MUC4: variants seen among roughly 807,000 people sequenced by gnomAD.
MUC4 encodes the protein mucin-4.
Under a neutral mutation model 257.9 loss-of-function variants are expected in MUC4, and 202 were observed. That is an observed-to-expected ratio of 0.78 (90% CI 0.70 to 0.88). The LOEUF (loss-of-function observed/expected upper bound fraction) is 0.88, where lower values mean the gene tolerates loss of function less well. Ranked by LOEUF, MUC4 falls within the 40% of genes least tolerant of loss-of-function variation. The pLI is 0.00. For synonymous variants in MUC4, 2,351 were observed against 2,757.1 expected (o/e 0.85, Z 4.62); for missense variants, 5,976 against 6,513.7 (o/e 0.92, Z 2.84).
rs1387824017 is a variant in MUC4, at chr3:195,760,851, T to C, written c.14848+33A>G. The C allele has an allele frequency of 1.9e-6, 3 of 1,594,054 alleles. No individual in the cohort carries two copies. The South Asian group carries it at 3.3e-5, about 18-fold the overall frequency. Reference sequence around the variant, plus strand: ...GCAGCTCCTCATCTGCTCCCGACTCTGAAAAGGCCTCCCCAGGCCTCGGGC... The same window carrying C: ...GCAGCTCCTCATCTGCTCCCGACTCCGAAAAGGCCTCCCCAGGCCTCGGGC... On this transcript the variant is annotated intron_variant, in intron 16 of 24. Transcript: ENST00000463781.
intron 1 of MUC4, among the ~76,000 whole-genome samples, chr3:195,793,917 T>A (rs746046102): frequency 6.6e-6 from 1 of 152,120 alleles, no homozygotes; most frequent in Non-Finnish European, 1.5e-5. Context: ...GCTAATATTA[T>A]TGACCATAAC....
Position 195,778,357 on chromosome 3 carries a change from T to C in MUC4, c.12889A>G (p.Thr4297Ala), listed in dbSNP as rs1287984871. ...SQTIISTIPS[T>A]AMHTRSTAAP... ...GCTGTGGAGCGGGTGTGCATGGCAG[T>C]GCTGGGAATGGTGGAAATGATGGTC... Residue 4297 changes from threonine (T) to alanine (A), a missense_variant, in exon 3 of 25, where the codon ACT becomes GCT. Physicochemically the swap from Thr to Ala is moderately conservative, Grantham distance 58 (BLOSUM62 0). Transcript: ENST00000463781. The C allele has an allele frequency of 6.2e-6, 10 of 1,612,852 alleles. No homozygotes were observed. The highest frequency in any genetic ancestry group is 8.5e-6 in the Non-Finnish European group (10 of 1,179,836).
At chr3:195,752,323 G>T in intron 21 of MUC4, 50 bp downstream of exon 21, 1 of 1,506,078 alleles carries the variant, frequency 6.6e-7, no homozygotes, top group Non-Finnish European at 9.2e-7. Context: ...GCCCTGGCCT[G>T]AACCCGCCAA....
intron 6 of MUC4, chr3:195,769,460 C>T (rs1722323479): frequency 2.9e-6 from 1 of 341,112 alleles, no homozygotes; most frequent in East Asian, 5.0e-5. Flanking sequence ...GCTACCAGAA[C>T]CTGAGATCAG....
intron 10 of MUC4, among the ~76,000 whole-genome samples, chr3:195,764,587 G>A (rs1017493536): frequency 6.6e-6 from 1 of 152,032 alleles, no homozygotes; most frequent in African/African-American, 2.4e-5. Flanking sequence ...ACTGCCATGG[G>A]ACGGGGGAGA....
rs1728660096 is a variant in MUC4 at position 195,782,458 on chromosome 3, AGCGGG to A, written c.9117_9121del (p.Pro3040SerfsTer60). On this transcript the variant is annotated frameshift_variant, in exon 2 of 25. Coordinates refer to ENST00000463781, the MANE Select transcript of MUC4 (RefSeq NM_018406.7). LOFTEE classifies it high-confidence loss of function. ...TGCTGAGGAAGTGTCGGTGACAGGA[AGCGGG>A]GTGGCGTGACCGGTGGATGCTGAGG... The A allele has an allele frequency of 6.8e-7, 1 of 1,476,326 alleles. No individual in the cohort carries two copies. The highest frequency in any genetic ancestry group is 1.6e-5 in the African/African-American group (1 of 62,628). The allele number at this position is 1,476,326 out of a possible 1,614,324, so 91.5% of individuals were successfully genotyped here. A position where few individuals can be genotyped will look rare whatever the true frequency, so the allele number is the denominator to read the frequency against.
chr3:195,796,842 A>G (rs1196718302), intron 1 of MUC4, among the ~76,000 whole-genome samples: 3 of 152,220 alleles, frequency 2.0e-5, no homozygotes, highest in Non-Finnish European at 4.4e-5. Flanking sequence ...ATCTACTAAT[A>G]ATTTTATAAG....
intron 7 of MUC4, among the ~76,000 whole-genome samples, chr3:195,767,654 C>CCACCAT (rs1721337730): frequency 1.1e-5 from 1 of 88,138 alleles, no homozygotes; most frequent in African/African-American, 7.9e-5. Flanking sequence ...GCCACCACCA[C>CCACCAT]CACCACCACC....
At chr3:195,748,572 A>T (rs1358747133) in intron 24 of MUC4, among the ~76,000 whole-genome samples, 1 of 152,234 alleles carries the variant, frequency 6.6e-6, no homozygotes, top group African/African-American at 2.4e-5. Context: ...CAAAACATAA[A>T]AATATAAAAA....
intron 24 of MUC4, among the ~76,000 whole-genome samples, chr3:195,747,617 C>T (rs750804128): frequency 1.0e-3 from 159 of 152,270 alleles, no homozygotes; most frequent in Non-Finnish European, 1.6e-3. Flanking sequence ...GTAATCCCAG[C>T]ACATTGAGAG....
At chr3:195,748,451 C>A (rs1715608431) in intron 24 of MUC4, among the ~76,000 whole-genome samples, 1 of 152,282 alleles carries the variant, frequency 6.6e-6, no homozygotes, top group Admixed American at 6.5e-5. Context: ...GTAGTCCCAA[C>A]TACTCGGGAG....
At chr3:195,794,285 T>C (rs1383439383) in intron 1 of MUC4, among the ~76,000 whole-genome samples, 1 of 151,970 alleles carries the variant, frequency 6.6e-6, no homozygotes, top group African/African-American at 2.4e-5. Context: ...GCCTTTTTTT[T>C]TCTCTTAGAA....
chr3:195,794,598 G>T lies in MUC4; in HGVS notation c.83-3101C>A, dbSNP rs190380954. On this transcript the variant is annotated intron_variant, in intron 1 of 24. Transcript: ENST00000463781. ...GCTGGTGTCGAACTCCCGGCCTCAAGCGATCCTCCTGCTTCAGACTCTCAA... is the reference window on the plus strand; with the variant it reads ...GCTGGTGTCGAACTCCCGGCCTCAATCGATCCTCCTGCTTCAGACTCTCAA... Among the ~76,000 whole-genome samples the T allele has an allele frequency of 1.4e-4, 22 of 152,206 alleles. No individual in the cohort carries two copies. In the East Asian group the frequency reaches 3.5e-3, roughly 24 times the overall value.
intron 20 of MUC4, 72 bp downstream of exon 20, chr3:195,752,979 G>A: frequency 2.3e-6 from 3 of 1,317,018 alleles, no homozygotes; most frequent in Non-Finnish European, 3.1e-6. Flanking sequence ...CCAAAGGTGG[G>A]CGGAGTGCGG....
At chr3:195,801,998 C>T (rs893734518) in intron 1 of MUC4, among the ~76,000 whole-genome samples, 7 of 151,984 alleles carry the variant, frequency 4.6e-5, no homozygotes, top group African/African-American at 1.7e-4. Context: ...CTCCTGCTGC[C>T]CCTCCCTCTC....
intron 1 of MUC4, among the ~76,000 whole-genome samples, chr3:195,808,542 G>A (rs1246377392): frequency 1.3e-5 from 2 of 152,096 alleles, no homozygotes; most frequent in Admixed American, 6.5e-5. Context: ...ATGCTGTCTC[G>A]TTTCATCCTC....
At chr3:195,758,726 CTTT>C (rs55919005) in intron 17 of MUC4, among the ~76,000 whole-genome samples, 2,817 of 135,098 alleles carry the variant, frequency 0.021, 93 homozygotes, top group African/African-American at 0.066. Context: ...CCATGCCTGG[CTTT>C]TTTTTTTTTT....
intron 18 of MUC4, among the ~76,000 whole-genome samples, chr3:195,756,389 G>T (rs529932389): frequency 2.0e-5 from 3 of 152,240 alleles, no homozygotes; most frequent in Admixed American, 2.0e-4. Flanking sequence ...GGGCTTCGCC[G>T]CAGAGCTGTG....
chr3:195,767,555 T>C (rs1244049091), intron 7 of MUC4, among the ~76,000 whole-genome samples: 150 of 53,062 alleles, frequency 2.8e-3, no homozygotes, highest in Non-Finnish European at 3.4e-3. Context: ...ACCATCACCA[T>C]TACCATTGCC....
Sources: allele counts gnomAD v4.1 joint callset (sites outside exome capture counted in the v4.1 genomes callset), GRCh38; gene constraint gnomAD v4.1.1; transcripts MANE v1.5; gene names NCBI Gene and HGNC (gene_info 2026-07-23, HGNC 2026-07-21).